The following RAB10 variants were observed in gnomAD, a reference collection of about 807,000 sequenced individuals.
The protein encoded by RAB10 is RAB10, member RAS oncogene family, also known as ras-related protein Rab-10.
Under a neutral mutation model 25.7 loss-of-function variants are expected in RAB10, and 5 were observed. That is an observed-to-expected ratio of 0.19 (90% CI 0.10 to 0.41). The LOEUF is 0.41. Ranked by LOEUF, RAB10 falls within the 10% of genes least tolerant of loss-of-function variation. The pLI is 1.00. For synonymous variants in RAB10, 89 were observed against 86.4 expected (o/e 1.03, Z -0.16); for missense variants, 103 against 245.8 (o/e 0.42, Z 3.89).
At chr2:26,117,720 G>C (rs937418368) in intron 3 of RAB10, among the ~76,000 whole-genome samples, 6 of 151,992 alleles carry the variant, frequency 3.9e-5, no homozygotes, top group Admixed American at 3.9e-4. Context: ...TGGGAGGTGA[G>C]AGGAGCGACT....
intron 1 of RAB10, among the ~76,000 whole-genome samples, chr2:26,071,274 T>C (rs1393312861): frequency 6.6e-6 from 1 of 152,238 alleles, no homozygotes; most frequent in Non-Finnish European, 1.5e-5. Flanking sequence ...TAGAACATCA[T>C]TTATCCTTGA....
chr2:26,123,761 C>T (rs1667851456), intron 3 of RAB10, among the ~76,000 whole-genome samples: 1 of 152,100 alleles, frequency 6.6e-6, no homozygotes, highest in African/African-American at 2.4e-5. Context: ...ACAACATGGA[C>T]CATTGTGTGA....
intron 1 of RAB10, among the ~76,000 whole-genome samples, chr2:26,088,878 C>T (rs1286406827): frequency 2.0e-5 from 3 of 151,820 alleles, no homozygotes; most frequent in Non-Finnish European, 4.4e-5. Context: ...CCACCTGGGC[C>T]TCCCAAAGTG....
chr2:26,107,784 G>A (rs1251373030), intron 2 of RAB10, among the ~76,000 whole-genome samples: 3 of 149,118 alleles, frequency 2.0e-5, no homozygotes, highest in South Asian at 2.1e-4. Flanking sequence ...CGGCAAGATC[G>A]AAACTCTATC....
chr2:26,033,912 C>T (rs1036776047), upstream of RAB10, among the ~76,000 whole-genome samples: 1 of 152,230 alleles, frequency 6.6e-6, no homozygotes, highest in African/African-American at 2.4e-5. Context: ...CGCGGCCTCG[C>T]CCTTTCTCGC....
chr2:26,055,348 G>A (rs1394751818), intron 1 of RAB10, among the ~76,000 whole-genome samples: 1 of 150,798 alleles, frequency 6.6e-6, no homozygotes, highest in African/African-American at 2.4e-5. Flanking sequence ...TGTTTTTTGA[G>A]ACAGTAGCTG....
chr2:26,048,317 C>T (rs1383415242), intron 1 of RAB10, among the ~76,000 whole-genome samples: 1 of 152,156 alleles, frequency 6.6e-6, no homozygotes, highest in East Asian at 1.9e-4. Context: ...CCATTTTACA[C>T]CCCCATCCTC....
At chr2:26,059,200 A>G (rs1038488732) in intron 1 of RAB10, among the ~76,000 whole-genome samples, 72 of 152,372 alleles carry the variant, frequency 4.7e-4, no homozygotes, top group African/African-American at 1.6e-3. Context: ...GTACTTGATC[A>G]TTACAGTGGA....
chr2:26,055,737 C>T (rs13417646), intron 1 of RAB10, among the ~76,000 whole-genome samples: 4,265 of 151,806 alleles, frequency 0.028, 204 homozygotes, highest in African/African-American at 0.099. Flanking sequence ...GTTGGCCAGG[C>T]TGGTCTCAAA....
chr2:26,067,559 C>G (rs1028842166), intron 1 of RAB10, among the ~76,000 whole-genome samples: 10 of 152,196 alleles, frequency 6.6e-5, no homozygotes, highest in Admixed American at 6.5e-4. Flanking sequence ...CTTCCAGCAA[C>G]TGTCAACACC....
chr2:26,089,994 T>C (rs573914236), intron 1 of RAB10, among the ~76,000 whole-genome samples: 1 of 152,318 alleles, frequency 6.6e-6, no homozygotes, highest in South Asian at 2.1e-4. Flanking sequence ...CCTTTTGTTT[T>C]TCATATAAAT....
intron 3 of RAB10, among the ~76,000 whole-genome samples, chr2:26,121,866 G>A (rs1269000157): frequency 1.3e-5 from 2 of 152,118 alleles, no homozygotes; most frequent in South Asian, 4.1e-4. Flanking sequence ...TGGTGAGCTC[G>A]TATGTTTCCA....
chr2:26,088,616 C>T (rs1667035425), intron 1 of RAB10, among the ~76,000 whole-genome samples: 1 of 152,012 alleles, frequency 6.6e-6, no homozygotes, highest in African/African-American at 2.4e-5. Flanking sequence ...TAACTTGTCC[C>T]CCCACCAAGT....
chr2:26,075,195 A>G (rs138612671), intron 1 of RAB10, among the ~76,000 whole-genome samples: 1 of 152,298 alleles, frequency 6.6e-6, no homozygotes, highest in Non-Finnish European at 1.5e-5. Flanking sequence ...GTAAGGAATT[A>G]AAGAACATTG....
chr2:26,092,776 C>A (rs1488405902), intron 1 of RAB10, among the ~76,000 whole-genome samples: 6 of 152,066 alleles, frequency 3.9e-5, no homozygotes, highest in Non-Finnish European at 7.4e-5. Flanking sequence ...AAATTGTATA[C>A]CTAGCTGAAG....
At chr2:26,041,309 T>C (rs957322000) in intron 1 of RAB10, among the ~76,000 whole-genome samples, 2 of 148,846 alleles carry the variant, frequency 1.3e-5, no homozygotes, top group Admixed American at 1.3e-4. Flanking sequence ...GGGAGGCCAA[T>C]GCAGGTGGAT....
intron 1 of RAB10, among the ~76,000 whole-genome samples, chr2:26,054,011 TTC>T (rs1157303838): frequency 6.6e-6 from 1 of 150,610 alleles, no homozygotes; most frequent in Non-Finnish European, 1.5e-5. Context: ...TTCTTTTTCT[TTC>T]TTTTTTTTTT....
chr2:26,080,560 G>A (rs1666848465), intron 1 of RAB10, among the ~76,000 whole-genome samples: 1 of 152,128 alleles, frequency 6.6e-6, no homozygotes, highest in African/African-American at 2.4e-5. Flanking sequence ...GTACACAGGA[G>A]TACAGTGACA....
intron 1 of RAB10, among the ~76,000 whole-genome samples, chr2:26,079,324 A>AACACACACACAC (rs34334774): frequency 1.1e-5 from 1 of 92,652 alleles, no homozygotes; most frequent in African/African-American, 4.0e-5. Flanking sequence ...CACACACACA[A>AACACACACACAC]ACACACACAC....
Sources: gnomAD v4.1 joint callset for allele counts (sites outside exome capture counted in the v4.1 genomes callset) on GRCh38, gnomAD v4.1.1 for gene constraint, MANE v1.5 for transcripts, NCBI Gene and HGNC (gene_info 2026-07-23, HGNC 2026-07-21) for gene names.